Variants in SPG11 observed in about 807,000 individuals in gnomAD.
SPG11 encodes the protein spatacsin.
In SPG11, 222 loss-of-function variants were observed where a neutral mutation model predicts 274.0. The observed-to-expected ratio is 0.81, with a 90% CI of 0.73 to 0.91. The LOEUF is 0.91. SPG11 is among the 40% of genes least tolerant of loss of function. SPG11 has a pLI of 0.00. For missense variants in SPG11, 3,114 were observed against 2,872.7 expected, an observed-to-expected ratio of 1.08 and a Z score of -1.92; for synonymous variants, 1,144 against 1,039.7, an observed-to-expected ratio of 1.10 and a Z score of -1.93.
chr15:44,630,905 C>T (rs1314948839), intron 8 of SPG11, among the ~76,000 whole-genome samples: 2 of 152,022 alleles, frequency 1.3e-5, no homozygotes, highest in East Asian at 1.9e-4. Flanking sequence ...AAGAAAATAT[C>T]TTTCCACCAC....
chr15:44,567,700 G>A (rs1025859748), intron 35 of SPG11, 108 bp from the exon 36 acceptor site: 1 of 1,134,546 alleles, frequency 8.8e-7, no homozygotes, highest in Non-Finnish European at 1.3e-6. Flanking sequence ...CCAAGAAGAA[G>A]AGGAGCAAAA....
Position 44,606,013 on chromosome 15 carries a change from A to AT in SPG11, c.3520+11dup. 2 of 1,611,504 alleles carry AT rather than the reference A, an allele frequency of 1.2e-6. No homozygotes were observed. Among genetic ancestry groups the AT allele is most frequent in the Non-Finnish European group, 1.7e-6 (2 of 1,177,794 alleles). ...CTAAAACATGTCTCAAGAAGTACCCATGATGACTTACCTCCTATAGCTAGT... is the reference window on the plus strand; with the variant it reads ...CTAAAACATGTCTCAAGAAGTACCCATTGATGACTTACCTCCTATAGCTAGT... On this transcript the variant is annotated intron_variant, in intron 20 of 39. Transcript: ENST00000261866.
At position 44,567,419 on chromosome 15, in the gene SPG11, C is replaced by G; in HGVS notation, c.6754+5G>C. Reference sequence around the variant, plus strand: ...TTCTGGTAGTGTGGCTGTGACCTCACTCACCCCAGGGCTGAGACTCAATCA... The same window carrying G: ...TTCTGGTAGTGTGGCTGTGACCTCAGTCACCCCAGGGCTGAGACTCAATCA... On this transcript the variant is annotated splice_donor_5th_base_variant and intron_variant, in intron 36 of 39. Coordinates refer to ENST00000261866, the MANE Select transcript of SPG11 (RefSeq NM_025137.4). The G allele has an allele frequency of 2.5e-6, 4 of 1,611,146 alleles. No homozygotes were observed. Among genetic ancestry groups the G allele is most frequent in the Non-Finnish European group, 3.4e-6 (4 of 1,178,324 alleles).
intron 8 of SPG11, among the ~76,000 whole-genome samples, chr15:44,630,673 C>T (rs2084035752): frequency 6.6e-6 from 1 of 152,064 alleles, no homozygotes; most frequent in Non-Finnish European, 1.5e-5. Flanking sequence ...TCCGCCTCCT[C>T]CCTTCAAGCG....
Position 44,611,091 on chromosome 15 carries a change from T to TAAAAAAAAA in SPG11, c.3146-115_3146-107dup, listed in dbSNP as rs35831490. 115 of 70,064 alleles carry TAAAAAAAAA rather than the reference T, an allele frequency of 1.6e-3. 7 individuals are homozygous for TAAAAAAAAA. Among genetic ancestry groups the TAAAAAAAAA allele is most frequent in the African/African-American group, 7.0e-3 (103 of 14,714 alleles). 4.3% of individuals were successfully genotyped at this position (70,064 alleles called of 1,614,324 possible). On this transcript the variant is annotated intron_variant, in intron 17 of 39. Coordinates refer to ENST00000261866, the MANE Select transcript of SPG11 (RefSeq NM_025137.4). ...CATAAATTTTTAACTCTATCCCCAG[T>TAAAAAAAAA]AAAAAAAAAAAAAAAAAAAAAAAAA... is the stretch of plus-strand genomic sequence containing the variant.
intron 39 of SPG11, among the ~76,000 whole-genome samples, 168 bp downstream of exon 39, chr15:44,564,379 T>C (rs2082267353): frequency 6.6e-6 from 1 of 152,236 alleles, no homozygotes; most frequent in African/African-American, 2.4e-5. Context: ...TTGATCTCTT[T>C]GCATAAATCT....
chr15:44,656,144 G>T (rs1209046886), intron 4 of SPG11, among the ~76,000 whole-genome samples: 4 of 152,130 alleles, frequency 2.6e-5, no homozygotes, highest in Admixed American at 6.5e-5. Flanking sequence ...ATTAATGGAG[G>T]TTTGAGGAAA....
chr15:44,570,423 A>G (rs1287602361), intron 34 of SPG11, 102 bp downstream of exon 34: 1 of 1,466,990 alleles, frequency 6.8e-7, no homozygotes, highest in Admixed American at 1.9e-5. Context: ...CCAGATGGGC[A>G]GAACCCCCTA....
rs879316784 is a variant in SPG11, at chr15:44,565,892, G to A, written c.6961C>T (p.Leu2321=). 1.9e-6 allele frequency: 3 copies of A among 1,613,974 alleles called. No homozygotes were observed. The highest frequency in any genetic ancestry group is 1.7e-5 in the Admixed American group (1 of 60,010). ...TMLINLGRHK[L]MDCILALPRF... is the part of the protein sequence containing the mutation. ...GGTAGGGCCAGAATACAGTCCATCA[G>A]CTTGTGGCGGCCCAAGTTGATGAGC... Residue 2321 remains leucine, a synonymous_variant, in exon 38 of 40, where the codon CTG becomes TTG. Transcript: ENST00000261866.
At chr15:44,620,084 C>T in intron 15 of SPG11, 106 bp downstream of exon 15, 1 of 902,774 alleles carries the variant, frequency 1.1e-6, no homozygotes. Context: ...TATGAAACAA[C>T]ACTACACTGG....
rs182535774 is a variant in SPG11, at chr15:44,660,437, T to C, written c.437A>G (p.Asp146Gly). 1.5e-4 allele frequency: 241 copies of C among 1,613,510 alleles called. 2 individuals carry two copies. The East Asian group carries it at 4.8e-3, about 32-fold the overall frequency. The change falls in exon 2 of 40, where the codon GAT (aspartate) becomes GGT (glycine). Residue 146 changes from aspartate to glycine, a missense_variant. By Grantham distance (94) the Asp-to-Gly change is moderately conservative (BLOSUM62 -1). Transcript: ENST00000261866. ...GACCACCTGTAGATACTTACTGATA[T>C]CTTGATCGTCAATGAGCTTTTGCAA... ...EALQKLIDDQ[D>G]ISISLLSLRI...
chr15:44,629,191 C>T (rs1284717572), intron 9 of SPG11, 42 bp downstream of exon 9: 1 of 1,601,818 alleles, frequency 6.2e-7, no homozygotes, highest in South Asian at 1.1e-5. Flanking sequence ...TGTTCTGACA[C>T]AGGAACAGTA....
intron 37 of SPG11, 59 bp from the exon 38 acceptor site, chr15:44,566,068 G>A: frequency 1.2e-6 from 2 of 1,606,452 alleles, no homozygotes; most frequent in Non-Finnish European, 1.7e-6. Flanking sequence ...CCTCCTGTGT[G>A]AACCCTCACA....
rs149254262 is a variant in SPG11 at position 44,660,596 on chromosome 15, C to T, written c.278G>A (p.Arg93His). ...PFWHFLWEDSRNSSTPTEKPK... is the reference protein window; with the variant it reads ...PFWHFLWEDSHNSSTPTEKPK... ...CTTTTCAGTTGGTGTGCTGCTGTTA[C>T]GAGAATCCTCCCATAGAAAGCTAAG... The change falls in exon 2 of 40, where the codon CGT becomes CAT. Residue 93 changes from arginine to histidine, a missense_variant. Physicochemically the swap from Arg to His is conservative, Grantham distance 29. Coordinates refer to ENST00000261866, the MANE Select transcript of SPG11 (RefSeq NM_025137.4). The T allele has an allele frequency of 1.9e-5, 31 of 1,613,826 alleles. No homozygotes were observed. Among genetic ancestry groups the T allele is most frequent in the Middle Eastern group, 1.6e-4 (1 of 6,084 alleles).
chr15:44,567,838 C>A (rs1221339877), intron 35 of SPG11, among the ~76,000 whole-genome samples: 1 of 152,196 alleles, frequency 6.6e-6, no homozygotes, highest in African/African-American at 2.4e-5. Flanking sequence ...CCCGCATAAG[C>A]TGATCTAACA....
At chr15:44,647,618 A>G (rs1224080187) in intron 7 of SPG11, among the ~76,000 whole-genome samples, 1 of 152,268 alleles carries the variant, frequency 6.6e-6, no homozygotes, top group African/African-American at 2.4e-5. Context: ...ATGCTACAAC[A>G]TGGATGAACT....
chr15:44,577,001 T>C (rs1321732217), intron 30 of SPG11, among the ~76,000 whole-genome samples: 1 of 152,000 alleles, frequency 6.6e-6, no homozygotes, highest in Non-Finnish European at 1.5e-5. Context: ...TAATTTTTTG[T>C]ATTTTTAGTA....
intron 30 of SPG11, among the ~76,000 whole-genome samples, chr15:44,583,483 A>G (rs2082695218): frequency 6.6e-6 from 1 of 152,196 alleles, no homozygotes; most frequent in African/African-American, 2.4e-5. Context: ...AAAAAACCAA[A>G]AAGAAAAACA....
At chr15:44,641,644 C>A (rs894963955) in intron 7 of SPG11, among the ~76,000 whole-genome samples, 4 of 135,738 alleles carry the variant, frequency 2.9e-5, no homozygotes, top group African/African-American at 8.0e-5. Flanking sequence ...AAACCTTAAT[C>A]AGGGAAATGC....
Sources: allele counts gnomAD v4.1 joint callset (sites outside exome capture counted in the v4.1 genomes callset), GRCh38; gene constraint gnomAD v4.1.1; transcripts MANE v1.5; gene names NCBI Gene and HGNC (gene_info 2026-07-23, HGNC 2026-07-21).